Variants in AXL observed in about 807,000 individuals in gnomAD.
The protein encoded by AXL is tyrosine-protein kinase receptor UFO.
A neutral mutation model predicts 104.5 loss-of-function variants in AXL; 52 were observed. That is an observed-to-expected ratio of 0.50 (90% CI 0.40 to 0.63). AXL has a LOEUF of 0.63. Ranked by LOEUF, AXL falls within the 20% of genes least tolerant of loss-of-function variation. The pLI is 0.00. For missense variants in AXL, 1,024 were observed against 1,188.5 expected (o/e 0.86, Z 2.04); for synonymous variants, 455 against 473.7 (o/e 0.96, Z 0.51).
At chr19:41,231,116 G>A (rs945530203) in intron 5 of AXL, 67 bp from the exon 6 acceptor site, 11 of 1,610,566 alleles carry the variant, frequency 6.8e-6, no homozygotes, top group African/African-American at 6.7e-5. Context: ...CAGAGTGGGG[G>A]CAGAGAGCAG....
intron 12 of AXL, among the ~76,000 whole-genome samples, chr19:41,246,528 C>T (rs1319128963): frequency 1.3e-5 from 2 of 151,356 alleles, no homozygotes; most frequent in African/African-American, 4.9e-5. Flanking sequence ...ATGGCAAAAC[C>T]CCATCTCTAT....
rs112524750 is a variant in AXL, at chr19:41,219,432, G to A, written c.40G>A (p.Ala14Thr). Reference protein sequence around the residue: ...RCPRMGRVPLAWCLALCGWAC... With the variant: ...RCPRMGRVPLTWCLALCGWAC... ...CCCCAGGATGGGCAGGGTCCCGCTG[G>A]CCTGGTGCTTGGCGCTGTGCGGCTG... The change falls in exon 1 of 20, where the codon GCC becomes ACC. Residue 14 changes from alanine (A) to threonine (T), a missense_variant. By Grantham distance (58) the Ala-to-Thr change is moderately conservative. Coordinates refer to ENST00000301178, the MANE Select transcript of AXL (RefSeq NM_021913.5). The A allele has an allele frequency of 2.5e-6, 4 of 1,606,798 alleles. No individual in the cohort carries two copies. The highest frequency in any genetic ancestry group is 2.7e-5 in the African/African-American group (2 of 74,892).
chr19:41,220,982 C>A, intron 2 of AXL, 124 bp downstream of exon 2: 1 of 1,264,320 alleles, frequency 7.9e-7, no homozygotes, highest in Non-Finnish European at 1.1e-6. Flanking sequence ...GTGATGGAAC[C>A]TCTAGGTTTC....
intron 14 of AXL, among the ~76,000 whole-genome samples, chr19:41,250,986 G>A (rs1254841219): frequency 6.6e-6 from 1 of 152,168 alleles, no homozygotes; most frequent in Non-Finnish European, 1.5e-5. Context: ...GGGTCCCCAG[G>A]GCAGGTAGGG....
intron 6 of AXL, among the ~76,000 whole-genome samples, chr19:41,233,636 A>C (rs1342907396): frequency 6.7e-6 from 1 of 148,594 alleles, no homozygotes; most frequent in Non-Finnish European, 1.5e-5. Flanking sequence ...TCTGAGAAAA[A>C]AAAAAACAAA....
Position 41,257,511 on chromosome 19 carries a change from A to G in AXL, c.2215A>G (p.Met739Val). 6.2e-7 allele frequency: 1 copy of G among 1,614,082 alleles called. No homozygotes were observed. The highest frequency in any genetic ancestry group is 8.5e-7 in the Non-Finnish European group (1 of 1,180,016). ...KSDVWSFGVT[M>V]WEIATRGQTP... ...CTCACAGTGGTCCTTCGGGGTGACA[A>G]TGTGGGAGATTGCCACAAGAGGCCA... The change falls in exon 19 of 20, where the codon ATG becomes GTG. Residue 739 changes from methionine to valine, a missense_variant. Physicochemically the swap from Met to Val is conservative, Grantham distance 21 (BLOSUM62 1). This residue lies in a region of AXL where 523 missense variants were observed against 636.0 expected (regional missense o/e 0.82). Coordinates refer to ENST00000301178, the MANE Select transcript of AXL (RefSeq NM_021913.5).
chr19:41,247,196 C>G (rs2034285583), intron 12 of AXL, among the ~76,000 whole-genome samples: 1 of 152,180 alleles, frequency 6.6e-6, no homozygotes, highest in Non-Finnish European at 1.5e-5. Flanking sequence ...GTGCTAGTTA[C>G]ACATTTGTGT....
chr19:41,239,331 G>T lies in AXL; in HGVS notation c.1285+17G>T. The T allele has an allele frequency of 1.9e-6, 3 of 1,550,552 alleles. No individual in the cohort carries two copies. Among genetic ancestry groups the T allele is most frequent in the Non-Finnish European group, 2.6e-6 (3 of 1,151,722 alleles). On this transcript the variant is annotated intron_variant, in intron 9 of 19. Coordinates refer to ENST00000301178, the MANE Select transcript of AXL (RefSeq NM_021913.5). The stretch of plus-strand genomic sequence containing the variant: ...GGCGCCCAGGTAAGTCCAAAGCCAT[G>T]CCCAACCTGCTTCAACCCTGTCTCT...
At chr19:41,237,839 C>G in intron 6 of AXL, 105 bp from the exon 7 acceptor site, 1 of 1,089,556 alleles carries the variant, frequency 9.2e-7, no homozygotes, top group Non-Finnish European at 1.4e-6. Flanking sequence ...CACACGCACC[C>G]TTGAAAAGTT....
At chr19:41,230,756 G>A (rs118000776) in intron 4 of AXL, among the ~76,000 whole-genome samples, 2,001 of 152,116 alleles carry the variant, frequency 0.013, 91 homozygotes, top group East Asian at 0.13. Flanking sequence ...CGGGAGGTTA[G>A]GGCTGAAACC....
chr19:41,233,847 C>T (rs1361010911), intron 6 of AXL, among the ~76,000 whole-genome samples: 1 of 151,868 alleles, frequency 6.6e-6, no homozygotes, highest in African/African-American at 2.4e-5. Flanking sequence ...CTACCCACAT[C>T]ACCAAGTGTC....
chr19:41,259,803 C>T lies in AXL; in HGVS notation c.2584C>T (p.Pro862Ser), dbSNP rs1207505418. 6.2e-7 allele frequency: 1 copy of T among 1,614,102 alleles called. No homozygotes were observed. The highest frequency in any genetic ancestry group is 8.5e-7 in the Non-Finnish European group (1 of 1,180,004). The change falls in exon 20 of 20, where the codon CCT (proline) becomes TCT (serine). Residue 862 changes from proline to serine, a missense_variant. Pro to Ser is a moderately conservative substitution (Grantham distance 74, BLOSUM62 -1). Transcript: ENST00000301178. ...CSCLTAAEVH[P>S]AGRYVLCPST... ...CTGCCTCACTGCGGCTGAGGTCCAT[C>T]CTGCTGGACGCTATGTCCTCTGCCC...
At chr19:41,240,918 C>G (rs1048428227) in intron 10 of AXL, among the ~76,000 whole-genome samples, 15 of 152,112 alleles carry the variant, frequency 9.9e-5, no homozygotes, top group Non-Finnish European at 1.9e-4. Flanking sequence ...ACCCATCTCA[C>G]TCTGCACACT....
chr19:41,229,009 G>A (rs1422961636), intron 4 of AXL, among the ~76,000 whole-genome samples: 1 of 151,154 alleles, frequency 6.6e-6, no homozygotes, highest in African/African-American at 2.4e-5. Flanking sequence ...GAGTGCAATG[G>A]CGTGATCTCA....
intron 4 of AXL, among the ~76,000 whole-genome samples, 200 bp downstream of exon 4, chr19:41,222,256 GTC>G (rs1170370440): frequency 1.3e-5 from 2 of 151,810 alleles, no homozygotes; most frequent in South Asian, 2.1e-4. Flanking sequence ...GCCTTTTTCT[GTC>G]TCTTTCTGTC....
At chr19:41,231,708 C>T (rs2033991877) in intron 6 of AXL, among the ~76,000 whole-genome samples, 2 of 152,092 alleles carry the variant, frequency 1.3e-5, no homozygotes, top group South Asian at 4.1e-4. Flanking sequence ...GGGCGGATCA[C>T]TTGAGGTCAG....
intron 4 of AXL, among the ~76,000 whole-genome samples, chr19:41,230,614 GTATGTGTGTC>G (rs1260837480): frequency 1.3e-5 from 2 of 149,022 alleles, no homozygotes; most frequent in African/African-American, 2.5e-5. Context: ...TTCTGTGTGA[GTATGTGTGTC>G]TATGTGTGTG....
chr19:41,236,804 A>G, intron 6 of AXL, among the ~76,000 whole-genome samples: 1 of 151,996 alleles, frequency 6.6e-6, no homozygotes, highest in East Asian at 1.9e-4. Flanking sequence ...AAAAAAAAGA[A>G]AAAGAAATGA....
intron 16 of AXL, 36 bp from the exon 17 acceptor site, chr19:41,253,563 T>C: frequency 6.8e-7 from 1 of 1,466,460 alleles, no homozygotes; most frequent in South Asian, 1.2e-5. Flanking sequence ...TCAAGGACTC[T>C]GTTGACCTCT....
Sources: allele counts gnomAD v4.1 joint callset (sites outside exome capture counted in the v4.1 genomes callset), GRCh38; gene constraint gnomAD v4.1.1; regional missense constraint gnomAD v4.1.1; transcripts MANE v1.5; gene names NCBI Gene and HGNC (gene_info 2026-07-23, HGNC 2026-07-21).